The following SEMA4G variants were observed in gnomAD, a reference collection of about 807,000 sequenced individuals.
SEMA4G encodes semaphorin 4G.
A neutral mutation model predicts 81.2 loss-of-function variants in SEMA4G; 59 were observed. The ratio of observed to expected loss-of-function variants is 0.73; its 90% CI spans 0.59 to 0.90. The LOEUF (loss-of-function observed/expected upper bound fraction) is 0.90. Among genes scored for constraint, SEMA4G ranks in the 40% least tolerant of loss-of-function variants. The probability of loss-of-function intolerance (pLI) is 0.00; values close to 1 mark genes in which losing one functional copy is unlikely to be tolerated. For missense variants in SEMA4G, 952 were observed against 1,102.3 expected, an observed-to-expected ratio of 0.86 and a Z score of 1.93; for synonymous variants, 404 against 433.9, an observed-to-expected ratio of 0.93 and a Z score of 0.86.
At chr10:100,981,575 C>T (rs376292699) in intron 13 of SEMA4G, 1 of 1,612,280 alleles carries the variant, frequency 6.2e-7, no homozygotes, top group East Asian at 2.2e-5. Flanking sequence ...ATCATCACAG[C>T]TAAGATGTAT....
exon 14 of SEMA4G, chr10:100,984,488 A>G (rs1851321816): frequency 6.5e-7 from 1 of 1,532,874 alleles, no homozygotes; most frequent in African/African-American, 1.4e-5. Context: ...TCTTTCTCCC[A>G]GGCAGGGCTC....
In SEMA4G at chr10:100,980,935, G is replaced by A. The variant is rs777961396; in HGVS notation, c.1581G>A (p.Trp527Ter). Reference sequence around the variant, plus strand: ...TGGCCCGAGACCCCTACTGTGGCTGGGACCCTGGCACCCATGCCTGCGCAG... The same window carrying A: ...TGGCCCGAGACCCCTACTGTGGCTGAGACCCTGGCACCCATGCCTGCGCAG... The change falls in exon 12 of 14, where the codon TGG becomes TGA. Residue 527 changes from tryptophan to a stop codon, truncating the protein, a stop_gained. Coordinates refer to ENST00000370250, the Ensembl canonical transcript of SEMA4G. LOFTEE classifies it high-confidence loss of function. 6.2e-7 allele frequency: 1 copy of A among 1,610,784 alleles called. No homozygotes were observed. The highest frequency in any genetic ancestry group is 8.5e-7 in the Non-Finnish European group (1 of 1,179,046).
exon 14 of SEMA4G, chr10:100,984,391 A>T (rs1433241980): frequency 6.9e-7 from 1 of 1,451,870 alleles, no homozygotes; most frequent in Non-Finnish European, 9.0e-7. Context: ...TGCCCTGCAG[A>T]CCCAGAGCCA....
chr10:100,974,939 C>CT (rs1323138732), intron 3 of SEMA4G: 2 of 482,494 alleles, frequency 4.1e-6, no homozygotes, highest in South Asian at 1.6e-5. Context: ...TAATGAGACT[C>CT]TATCTCTAAT....
chr10:100,978,571 C>T, exon 6 of SEMA4G: 1 of 1,614,162 alleles, frequency 6.2e-7, no homozygotes, highest in East Asian at 2.2e-5. Context: ...CCGGAGCATT[C>T]CTGACATCCG....
downstream of SEMA4G, chr10:100,984,883 CAA>C: frequency 1.4e-6 from 2 of 1,475,798 alleles, no homozygotes; most frequent in African/African-American, 1.4e-5. Flanking sequence ...TGGTCATTCT[CAA>C]GAGTATGAGA....
At chr10:100,969,971 G>A, upstream of SEMA4G, 1 of 432,920 alleles carries the variant, frequency 2.3e-6, no homozygotes, top group Non-Finnish European at 4.8e-6. Flanking sequence ...CAGGATGTTG[G>A]AGGGAGGGGG....
rs1011964193 is a variant in SEMA4G at position 100,977,811 on chromosome 10, C to G, written c.435+81C>G. The stretch of plus-strand genomic sequence containing the variant: ...TGTTCAAGATGCCAAAGAAGAGACT[C>G]AGAGCCAGTGAAGGAGACGGATGGT... On this transcript the variant is annotated intron_variant, in intron 4 of 13. Transcript: ENST00000370250. 4 of 1,220,704 alleles carry G rather than the reference C, an allele frequency of 3.3e-6. No homozygotes were observed. The African/African-American group carries it at 6.0e-5, about 18-fold the overall frequency. 75.6% of individuals were successfully genotyped at this position (1,220,704 alleles called of 1,614,324 possible).
chr10:100,983,551 A>G (rs1851240164), exon 14 of SEMA4G: 2 of 1,613,926 alleles, frequency 1.2e-6, no homozygotes, highest in Admixed American at 1.7e-5. Context: ...CTGGCCTCCT[A>G]TAGTCTCACA....
chr10:100,974,992 G>C lies in SEMA4G; in HGVS notation c.336+1383G>C, dbSNP rs533899134. The C allele has an allele frequency of 7.3e-5, 39 of 531,402 alleles. No homozygotes were observed. In the East Asian group the frequency reaches 2.1e-3, roughly 28 times the overall value. 32.9% of individuals were successfully genotyped at this position (531,402 alleles called of 1,614,324 possible). ...AAATTCCCAAGATCCACTGGGCCAA[G>C]GTGGGCCAGGGGTGGTGTTGGGACA... On this transcript the variant is annotated intron_variant, in intron 3 of 13. Transcript: ENST00000370250.
chr10:100,975,861 T>C (rs1850757419), intron 3 of SEMA4G, among the ~76,000 whole-genome samples: 1 of 152,010 alleles, frequency 6.6e-6, no homozygotes, highest in Non-Finnish European at 1.5e-5. Flanking sequence ...GATCATGCAC[T>C]GCACTCCAAC....
At position 100,978,672 on chromosome 10, in the gene SEMA4G, G is replaced by A. The variant is rs745905478; in HGVS notation, c.643+32G>A. On this transcript the variant is annotated intron_variant, in intron 6 of 13. Coordinates refer to ENST00000370250, the Ensembl canonical transcript of SEMA4G. Reference sequence around the variant, plus strand: ...AGGATGAGGCACAGGATGATGGGGGGTAGGGGACTATTTCTTCATTTTTAC... The same window carrying A: ...AGGATGAGGCACAGGATGATGGGGGATAGGGGACTATTTCTTCATTTTTAC... The A allele has an allele frequency of 3.1e-6, 5 of 1,593,172 alleles. No homozygotes were observed. The African/African-American group carries it at 5.4e-5, about 17-fold the overall frequency.
At chr10:100,977,845 G>A (rs1850867889) in intron 4 of SEMA4G, 115 bp downstream of exon 5, 1 of 902,272 alleles carries the variant, frequency 1.1e-6, no homozygotes, top group South Asian at 1.4e-5. Flanking sequence ...GTTTATTAAG[G>A]GGACTTCCAT....
intron 4 of SEMA4G, chr10:100,978,088 C>A: frequency 1.7e-6 from 1 of 586,902 alleles, no homozygotes; most frequent in African/African-American, 1.9e-5. Context: ...AGGTTGGCCA[C>A]TTGCAGATTT....
chr10:100,983,175 T>G, intron 13 of SEMA4G, 130 bp from the exon 15 acceptor site: 2 of 1,128,592 alleles, frequency 1.8e-6, no homozygotes, highest in Non-Finnish European at 2.4e-6. Context: ...GCACAGAGCC[T>G]GGGTCAGCTG....
chr10:100,969,901 C>A (rs530175377), upstream of SEMA4G: 7 of 455,908 alleles, frequency 1.5e-5, no homozygotes, highest in East Asian at 4.9e-4. Flanking sequence ...AGCTTGTCCT[C>A]GAGCTGCAGC....
downstream of SEMA4G, chr10:100,985,202 C>G (rs1028300853): frequency 1.6e-4 from 50 of 315,854 alleles, no homozygotes; most frequent in Non-Finnish European, 2.9e-5. Flanking sequence ...GATGTCTCAA[C>G]TGGCACATGA....
intron 10 of SEMA4G, 82 bp from the exon 12 acceptor site, chr10:100,980,496 A>G (rs1000263318): frequency 9.3e-6 from 13 of 1,393,236 alleles, no homozygotes; most frequent in African/African-American, 2.8e-5. Context: ...AGGACTCCTG[A>G]GCTGTTCGTA....
chr10:100,982,834 G>A (rs1200382196), intron 13 of SEMA4G, among the ~76,000 whole-genome samples: 1 of 151,560 alleles, frequency 6.6e-6, no homozygotes, highest in African/African-American at 2.4e-5. Flanking sequence ...GAAAGAGAAG[G>A]GAGACTCCCA....
Sources: gnomAD v4.1 joint callset for allele counts (sites outside exome capture counted in the v4.1 genomes callset) on GRCh38, gnomAD v4.1.1 for gene constraint, MANE v1.5 for transcripts, NCBI Gene and HGNC (gene_info 2026-07-23, HGNC 2026-07-21) for gene names.